The following GPATCH1 variants were observed in gnomAD, a reference collection of about 807,000 sequenced individuals.
GPATCH1 encodes G-patch domain containing 1.
In GPATCH1, 73 loss-of-function variants were observed where a neutral mutation model predicts 114.9. The ratio of observed to expected loss-of-function variants is 0.64; its 90% CI spans 0.53 to 0.77. The LOEUF is 0.77. Ranked by LOEUF, GPATCH1 falls within the 30% of genes least tolerant of loss-of-function variation. The pLI is 0.00. For missense variants in GPATCH1, 1,058 were observed against 1,144.3 expected, an observed-to-expected ratio of 0.92 and a Z score of 1.09; for synonymous variants, 391 against 428.4, an observed-to-expected ratio of 0.91 and a Z score of 1.08.
chr19:33,117,804 CT>C lies in GPATCH1; in HGVS notation c.2197-19del. On this transcript the variant is annotated intron_variant, in intron 15 of 19. Transcript: ENST00000170564. Reference sequence around the variant, plus strand: ...TACCCTTGCCTCTGTATCCCTGACTCTTATTTCACTGTCAATACAGACCGTC... The same window carrying C: ...TACCCTTGCCTCTGTATCCCTGACTCTATTTCACTGTCAATACAGACCGTC... 6.4e-7 allele frequency: 1 copy of C among 1,574,756 alleles called. No individual in the cohort carries two copies. Among genetic ancestry groups the C allele is most frequent in the Non-Finnish European group, 8.7e-7 (1 of 1,145,758 alleles).
At position 33,106,890 on chromosome 19, in the gene GPATCH1, C is replaced by T; in HGVS notation, c.1276C>T (p.Pro426Ser). The T allele has an allele frequency of 6.2e-7, 1 of 1,610,704 alleles. No homozygotes were observed. Among genetic ancestry groups the T allele is most frequent in the Non-Finnish European group, 8.5e-7 (1 of 1,176,986 alleles). The change falls in exon 10 of 20, where the codon CCT becomes TCT. Residue 426 changes from proline (P) to serine (S), a missense_variant. This residue lies in a region of GPATCH1 where 893 missense variants were observed against 977.4 expected (regional missense o/e 0.91). Transcript: ENST00000170564. ...SKRAELLGET[P>S]IQGSATSVLE... ...ACGGGCTGAGTTGCTTGGAGAGACG[C>T]CTATTCAAGGTATGTGCCATGGAGA...
chr19:33,116,720 G>A (rs749829769), intron 15 of GPATCH1, among the ~76,000 whole-genome samples: 1 of 152,102 alleles, frequency 6.6e-6, no homozygotes, highest in Non-Finnish European at 1.5e-5. Context: ...TAGTAGAGAC[G>A]GGGTTTTACT....
At chr19:33,106,006 G>A (rs1599859102) in intron 9 of GPATCH1, among the ~76,000 whole-genome samples, 1 of 149,906 alleles carries the variant, frequency 6.7e-6, no homozygotes, top group African/African-American at 2.5e-5. Context: ...GCGCTACCAC[G>A]CCTGGCTAAT....
chr19:33,128,044 A>G (rs1273147412), intron 19 of GPATCH1, among the ~76,000 whole-genome samples: 1 of 151,956 alleles, frequency 6.6e-6, no homozygotes, highest in East Asian at 1.9e-4. Flanking sequence ...CACATTTTAA[A>G]TATAAGTAAT....
chr19:33,089,987 G>A (rs1972576843), intron 2 of GPATCH1, among the ~76,000 whole-genome samples: 1 of 152,170 alleles, frequency 6.6e-6, no homozygotes, highest in South Asian at 2.1e-4. Flanking sequence ...CCAGGCTTTA[G>A]TGCAGTGGTG....
At chr19:33,082,330 T>C (rs1450932272) in intron 1 of GPATCH1, among the ~76,000 whole-genome samples, 1 of 152,220 alleles carries the variant, frequency 6.6e-6, no homozygotes, top group Non-Finnish European at 1.5e-5. Context: ...GCTAGCCCTG[T>C]AGGGAAGGCA....
intron 5 of GPATCH1, among the ~76,000 whole-genome samples, chr19:33,095,148 C>T (rs936375481): frequency 6.6e-6 from 1 of 151,922 alleles, no homozygotes; most frequent in Non-Finnish European, 1.5e-5. Flanking sequence ...GCCTGGGTGA[C>T]AGGGCGAGAC....
chr19:33,081,552 G>A (rs565068759), intron 1 of GPATCH1, among the ~76,000 whole-genome samples: 1 of 152,120 alleles, frequency 6.6e-6, no homozygotes, highest in African/African-American at 2.4e-5. Flanking sequence ...TGCTCAGGCA[G>A]TGTCTTCCCC....
chr19:33,123,542 A>C (rs950787956), intron 17 of GPATCH1, among the ~76,000 whole-genome samples: 1 of 152,116 alleles, frequency 6.6e-6, no homozygotes, highest in Non-Finnish European at 1.5e-5. Context: ...TTGAGTCCAA[A>C]AGTTCGATAA....
At chr19:33,116,687 G>A (rs559225390) in intron 15 of GPATCH1, among the ~76,000 whole-genome samples, 14 of 152,118 alleles carry the variant, frequency 9.2e-5, no homozygotes, top group East Asian at 5.8e-4. Context: ...CCGCCACCAC[G>A]CCTGGCTAAT....
chr19:33,111,543 G>A (rs868696189), intron 11 of GPATCH1, among the ~76,000 whole-genome samples, 181 bp from the exon 12 acceptor site: 1 of 151,888 alleles, frequency 6.6e-6, no homozygotes, highest in African/African-American at 2.4e-5. Flanking sequence ...TTTTAAAAAA[G>A]CACAATTTTG....
At chr19:33,120,011 ATT>A (rs1293656497) in intron 17 of GPATCH1, among the ~76,000 whole-genome samples, 1 of 140,618 alleles carries the variant, frequency 7.1e-6, no homozygotes, top group East Asian at 2.0e-4. Context: ...TATTTTATAT[ATT>A]TTATATATTT....
Position 33,106,791 on chromosome 19 carries a change from G to C in GPATCH1, c.1177G>C (p.Val393Leu). 6.2e-7 allele frequency: 1 copy of C among 1,613,904 alleles called. No homozygotes were observed. The highest frequency in any genetic ancestry group is 1.7e-5 in the Admixed American group (1 of 59,988). The change falls in exon 10 of 20, where the codon GTA becomes CTA. Residue 393 changes from valine to leucine, a missense_variant. By Grantham distance (32) the Val-to-Leu change is conservative. This residue lies in a region of GPATCH1 where 893 missense variants were observed against 977.4 expected (regional missense o/e 0.91). Coordinates refer to ENST00000170564, the MANE Select transcript of GPATCH1 (RefSeq NM_018025.3). ...CTCCGAGAACTCACACTTACTGCAG[G>C]TATTATCAGAGTCAGCTGGAAAGGC... ...ATSENSHLLQ[V>L]LSESAGKATP...
At chr19:33,116,643 C>T (rs992310429) in intron 15 of GPATCH1, among the ~76,000 whole-genome samples, 7 of 152,186 alleles carry the variant, frequency 4.6e-5, no homozygotes, top group Non-Finnish European at 1.0e-4. Context: ...CATTCTCCTG[C>T]CTCAGCCTCC....
chr19:33,125,024 T>A, intron 17 of GPATCH1, 81 bp from the exon 18 acceptor site: 11 of 1,450,554 alleles, frequency 7.6e-6, no homozygotes, highest in Middle Eastern at 1.8e-4. Context: ...GATGCCTGAT[T>A]CAGCAGTTTA....
chr19:33,111,644 G>A, intron 11 of GPATCH1, 80 bp from the exon 12 acceptor site: 1 of 1,240,012 alleles, frequency 8.1e-7, no homozygotes. Flanking sequence ...CAGGGATACA[G>A]TGGTGCCCAG....
chr19:33,101,319 C>T (rs1014498591), intron 8 of GPATCH1, among the ~76,000 whole-genome samples, 176 bp from the exon 9 acceptor site: 2 of 152,180 alleles, frequency 1.3e-5, no homozygotes, highest in Admixed American at 1.3e-4. Context: ...ACTGAGTCAA[C>T]AGAGGTGTGG....
intron 1 of GPATCH1, 28 bp from the exon 2 acceptor site, chr19:33,088,106 A>T (rs1188795284): frequency 1.5e-6 from 2 of 1,368,662 alleles, no homozygotes; most frequent in South Asian, 1.4e-5. Flanking sequence ...TTTTTCATTT[A>T]AAAAACTTTT....
rs544131587 is a variant in GPATCH1 at position 33,124,531 on chromosome 19, TATAAA to T, written c.2522-570_2522-566del. Among the ~76,000 whole-genome samples the T allele has an allele frequency of 1.3e-4, 20 of 152,300 alleles. 1 individual carries two copies. The highest frequency in any genetic ancestry group is 4.6e-4 in the African/African-American group (19 of 41,568). On this transcript the variant is annotated intron_variant, in intron 17 of 19. Transcript: ENST00000170564. ...TGTTTCCACTTGTAAGACAAATTCT[TATAAA>T]ATACGTTTTTGTAGAGAGAGGAGGA... is the stretch of plus-strand genomic sequence containing the variant.
Sources: allele counts gnomAD v4.1 joint callset (sites outside exome capture counted in the v4.1 genomes callset), GRCh38; gene constraint gnomAD v4.1.1; regional missense constraint gnomAD v4.1.1; transcripts MANE v1.5; gene names NCBI Gene and HGNC (gene_info 2026-07-23, HGNC 2026-07-21).